Variants in CFDP1 observed in about 807,000 individuals in gnomAD.
The protein encoded by CFDP1 is heterochromatin-stabilizing protein CFDP1.
In CFDP1, 31 loss-of-function variants were observed where a neutral mutation model predicts 40.1. The ratio of observed to expected loss-of-function variants is 0.77; its 90% confidence interval spans 0.58 to 1.04. The LOEUF is 1.04. CFDP1 is among the 50% of genes least tolerant of loss of function. The probability of loss-of-function intolerance (pLI) is 0.00; values close to 1 mark genes in which losing one functional copy is unlikely to be tolerated. For synonymous variants in CFDP1, 167 were observed against 120.0 expected, an observed-to-expected ratio of 1.39 and a Z score of -2.56; for missense variants, 423 against 343.4, an observed-to-expected ratio of 1.23 and a Z score of -1.83.
intron 5 of CFDP1, among the ~76,000 whole-genome samples, chr16:75,376,055 T>C (rs1310950435): frequency 6.6e-6 from 1 of 151,534 alleles, no homozygotes; most frequent in Non-Finnish European, 1.5e-5. Context: ...TACAAAAAAA[T>C]TAAAAATTAG....
intron 1 of CFDP1, chr16:75,419,062 G>A (rs1224792682): frequency 4.8e-6 from 2 of 420,624 alleles, no homozygotes; most frequent in Middle Eastern, 6.9e-4. Context: ...AGGATCACTT[G>A]AGCCCAGGAA....
At chr16:75,375,068 C>T (rs2078782000) in intron 5 of CFDP1, among the ~76,000 whole-genome samples, 4 of 150,932 alleles carry the variant, frequency 2.7e-5, no homozygotes, top group Admixed American at 2.6e-4. Flanking sequence ...AAAAAAAAAC[C>T]TAAATGTGTC....
chr16:75,368,544 T>A (rs887298757), intron 5 of CFDP1, among the ~76,000 whole-genome samples: 1 of 152,228 alleles, frequency 6.6e-6, no homozygotes, highest in Non-Finnish European at 1.5e-5. Flanking sequence ...CCGCAAAGAT[T>A]TGAGTATTCA....
intron 5 of CFDP1, among the ~76,000 whole-genome samples, chr16:75,360,785 A>G (rs2078675340): frequency 6.6e-6 from 1 of 152,238 alleles, no homozygotes; most frequent in Non-Finnish European, 1.5e-5. Context: ...TTTATATGTA[A>G]TATTTAAGCA....
chr16:75,387,136 CTTTCTT>C (rs1203992200), intron 5 of CFDP1, among the ~76,000 whole-genome samples: 3 of 112,842 alleles, frequency 2.7e-5, no homozygotes, highest in Admixed American at 1.2e-4. Context: ...GTATTCTTTT[CTTTCTT>C]TTTTTTTTTT....
At chr16:75,350,580 A>C (rs557779929) in intron 5 of CFDP1, among the ~76,000 whole-genome samples, 1 of 152,304 alleles carries the variant, frequency 6.6e-6, no homozygotes, top group Non-Finnish European at 1.5e-5. Context: ...TAAGTAGAGG[A>C]TAGCCTTAAA....
chr16:75,393,602 G>A (rs1489698700), intron 5 of CFDP1, among the ~76,000 whole-genome samples: 2 of 150,736 alleles, frequency 1.3e-5, no homozygotes, highest in Admixed American at 6.6e-5. Flanking sequence ...GCGGTGGCGG[G>A]CGCCTGTAGT....
At chr16:75,375,082 A>G (rs1465636147) in intron 5 of CFDP1, among the ~76,000 whole-genome samples, 1 of 152,016 alleles carries the variant, frequency 6.6e-6, no homozygotes, top group African/African-American at 2.4e-5. Context: ...ATGTGTCCAT[A>G]TATGAAAATT....
intron 4 of CFDP1, 145 bp from the exon 5 acceptor site, chr16:75,395,354 T>C (rs2285225): frequency 0.57 from 466,483 of 819,016 alleles, 136,679 homozygotes; most frequent in Admixed American, 0.66. Context: ...AAGTTTACTA[T>C]AACTTTCAAT....
intron 5 of CFDP1, among the ~76,000 whole-genome samples, chr16:75,379,534 A>C (rs1252705806): frequency 6.6e-6 from 1 of 152,268 alleles, no homozygotes; most frequent in Admixed American, 6.5e-5. Flanking sequence ...ACTATTAAGG[A>C]AACAATTTGT....
chr16:75,304,551 C>A (rs1401815849), intron 6 of CFDP1, among the ~76,000 whole-genome samples: 1 of 152,132 alleles, frequency 6.6e-6, no homozygotes, highest in Non-Finnish European at 1.5e-5. Context: ...CAGGCTATAG[C>A]CAAGGGTAAA....
chr16:75,402,816 T>A (rs2079066892), intron 4 of CFDP1, among the ~76,000 whole-genome samples: 1 of 152,136 alleles, frequency 6.6e-6, no homozygotes, highest in African/African-American at 2.4e-5. Flanking sequence ...TATAAATAAA[T>A]TAAGTTTAAA....
At chr16:75,337,579 C>G (rs1298265897) in intron 5 of CFDP1, among the ~76,000 whole-genome samples, 1 of 152,160 alleles carries the variant, frequency 6.6e-6, no homozygotes, top group African/African-American at 2.4e-5. Flanking sequence ...CATGGTTCCA[C>G]AGGTTGTACA....
At chr16:75,328,103 G>C (rs1468405071) in intron 5 of CFDP1, among the ~76,000 whole-genome samples, 4 of 151,126 alleles carry the variant, frequency 2.6e-5, no homozygotes, top group Admixed American at 6.6e-5. Context: ...GAGGTGGTAT[G>C]AGAGTGTTAA....
intron 4 of CFDP1, among the ~76,000 whole-genome samples, chr16:75,404,483 A>C (rs959338359): frequency 1.3e-5 from 2 of 152,050 alleles, no homozygotes; most frequent in Non-Finnish European, 2.9e-5. Flanking sequence ...GGCCTCCCAA[A>C]GTGCTGGGAA....
At chr16:75,366,007 A>G (rs1183338992) in intron 5 of CFDP1, among the ~76,000 whole-genome samples, 1 of 152,204 alleles carries the variant, frequency 6.6e-6, no homozygotes, top group African/African-American at 2.4e-5. Context: ...AAAATAATTT[A>G]CCAGCCAGCA....
At chr16:75,364,235 T>C (rs2078699134) in intron 5 of CFDP1, among the ~76,000 whole-genome samples, 1 of 152,166 alleles carries the variant, frequency 6.6e-6, no homozygotes, top group African/African-American at 2.4e-5. Context: ...AAAAAAATGG[T>C]ATTAATGTAC....
At chr16:75,399,801 C>G (rs144762605) in intron 4 of CFDP1, among the ~76,000 whole-genome samples, 2,208 of 151,858 alleles carry the variant, frequency 0.015, 19 homozygotes, top group Non-Finnish European at 0.023. Context: ...CCTAACTCTA[C>G]AAAAAATTTT....
chr16:75,378,864 A>C (rs1201260632), intron 5 of CFDP1, among the ~76,000 whole-genome samples: 2 of 152,198 alleles, frequency 1.3e-5, no homozygotes, highest in Non-Finnish European at 2.9e-5. Context: ...AATTAATATC[A>C]ACAAATTTAA....
Sources: allele counts gnomAD v4.1 joint callset (sites outside exome capture counted in the v4.1 genomes callset), GRCh38; gene constraint gnomAD v4.1.1; transcripts MANE v1.5; gene names NCBI Gene and HGNC (gene_info 2026-07-23, HGNC 2026-07-21).